Variants in CNTLN observed in about 807,000 individuals in gnomAD.
CNTLN encodes the protein centlein.
A neutral mutation model predicts 180.0 loss-of-function variants in CNTLN; 212 were observed. The ratio of observed to expected loss-of-function variants is 1.18; its 90% CI spans 1.05 to 1.32. CNTLN has a LOEUF of 1.32. Ranked by LOEUF, CNTLN falls within the 40% of genes most tolerant of loss-of-function variation. The pLI is 0.00. For synonymous variants in CNTLN, 722 were observed against 563.1 expected (o/e 1.28, Z -3.99); for missense variants, 2,095 against 1,610.9 (o/e 1.30, Z -5.14).
At chr9:17,521,219 A>C in the CNTLN span, among the ~76,000 whole-genome samples, 1 of 150,418 alleles carries the variant, frequency 6.6e-6, no homozygotes, top group Non-Finnish European at 1.5e-5. Context: ...GACAGAAAAG[A>C]GGCCCCTTGT....
intron 25 of CNTLN, 147 bp downstream of exon 25, chr9:17,487,213 G>A: frequency 3.0e-6 from 2 of 658,478 alleles, no homozygotes; most frequent in Non-Finnish European, 5.5e-6. Flanking sequence ...AGAAAGGAAA[G>A]TTAACCCTCT....
At chr9:17,339,109 G>A (rs545205138) in intron 10 of CNTLN, among the ~76,000 whole-genome samples, 232 of 152,170 alleles carry the variant, frequency 1.5e-3, no homozygotes, top group African/African-American at 5.2e-3. Flanking sequence ...TTTTCATCAA[G>A]CACTTTCATT....
chr9:17,432,549 G>A (rs1473574850), intron 18 of CNTLN, among the ~76,000 whole-genome samples: 1 of 152,084 alleles, frequency 6.6e-6, no homozygotes, highest in African/African-American at 2.4e-5. Context: ...TCATTAATTA[G>A]GACTCCTGAA....
intron 25 of CNTLN, among the ~76,000 whole-genome samples, chr9:17,497,784 G>A (rs1833536464): frequency 2.6e-5 from 4 of 152,070 alleles, no homozygotes; most frequent in Admixed American, 6.6e-5. Flanking sequence ...TAAATACATT[G>A]TTCTTTCTGA....
At chr9:17,145,284 T>C (rs1818379684) in intron 2 of CNTLN, among the ~76,000 whole-genome samples, 1 of 152,212 alleles carries the variant, frequency 6.6e-6, no homozygotes, top group South Asian at 2.1e-4. Context: ...TGAGATACTT[T>C]GGATTTTGAG....
At chr9:17,500,913 A>G (rs1176792896) in intron 25 of CNTLN, among the ~76,000 whole-genome samples, 3 of 152,204 alleles carry the variant, frequency 2.0e-5, no homozygotes, top group African/African-American at 7.2e-5. Context: ...ATCTTTGTCC[A>G]AGGTAACTCT....
chr9:17,263,985 T>C lies in CNTLN; in HGVS notation c.850-9748T>C, dbSNP rs945218904. ...TAGGTTGCGAAAATTTTCTCCCATT[T>C]TGTAGGTTGCCTGTTCACTCTGATG... On this transcript the variant is annotated intron_variant, in intron 5 of 25. Transcript: ENST00000380647. Among the ~76,000 whole-genome samples, 190 of 145,296 alleles carry C rather than the reference T, an allele frequency of 1.3e-3. 2 individuals are homozygous for C. The highest frequency in any genetic ancestry group is 5.0e-3 in the African/African-American group (189 of 37,976).
At position 17,298,282 on chromosome 9, in the gene CNTLN, A is replaced by G; in HGVS notation, c.1076A>G (p.Asn359Ser). 1.9e-6 allele frequency: 3 copies of G among 1,613,768 alleles called. No homozygotes were observed. Among genetic ancestry groups the G allele is most frequent in the Admixed American group, 1.7e-5 (1 of 59,924 alleles). Residue 359 changes from asparagine to serine, a missense_variant, in exon 7 of 26, where the codon AAT becomes AGT. Transcript: ENST00000380647. ...CTGATCCAGCAGCTTCAGGTTCTCAATATGGACACACAAAAAGTACTGAGA... is the reference window on the plus strand; with the variant it reads ...CTGATCCAGCAGCTTCAGGTTCTCAGTATGGACACACAAAAAGTACTGAGA... ...AELIQQLQVL[N>S]MDTQKVLRNQ... is the part of the protein sequence containing the mutation.
chr9:17,437,837 A>G (rs1829868162), intron 18 of CNTLN, among the ~76,000 whole-genome samples: 1 of 152,204 alleles, frequency 6.6e-6, no homozygotes, highest in South Asian at 2.1e-4. Flanking sequence ...GTGTATATAT[A>G]ACATGGATGT....
intron 18 of CNTLN, among the ~76,000 whole-genome samples, chr9:17,439,759 G>A (rs1047652084): frequency 4.6e-5 from 7 of 152,156 alleles, no homozygotes; most frequent in Non-Finnish European, 1.0e-4. Context: ...GGTTACATTA[G>A]TTCATGAGGG....
chr9:17,385,512 TA>T (rs1825619868), intron 13 of CNTLN, among the ~76,000 whole-genome samples: 1 of 152,150 alleles, frequency 6.6e-6, no homozygotes, highest in South Asian at 2.1e-4. Flanking sequence ...GCTTTGCTTG[TA>T]ATAACAAAAG....
chr9:17,263,125 T>A (rs1198948864), intron 5 of CNTLN, among the ~76,000 whole-genome samples: 1 of 150,676 alleles, frequency 6.6e-6, no homozygotes, highest in Non-Finnish European at 1.5e-5. Context: ...ATGTGCCATG[T>A]TGGTGTGCTG....
chr9:17,252,417 G>A (rs543356566), intron 5 of CNTLN, among the ~76,000 whole-genome samples: 1 of 151,642 alleles, frequency 6.6e-6, no homozygotes, highest in African/African-American at 2.4e-5. Context: ...GTTATTTTCT[G>A]TCCCTTTAAT....
intron 6 of CNTLN, among the ~76,000 whole-genome samples, chr9:17,282,510 CA>C (rs1828725939): frequency 6.6e-6 from 1 of 152,048 alleles, no homozygotes; most frequent in South Asian, 2.1e-4. Flanking sequence ...GGATAGATTG[CA>C]AAAATTTTCT....
At chr9:17,383,752 C>G (rs1404654827) in intron 13 of CNTLN, among the ~76,000 whole-genome samples, 1 of 151,756 alleles carries the variant, frequency 6.6e-6, no homozygotes, top group East Asian at 2.0e-4. Flanking sequence ...ATTCTCCTGT[C>G]TCAGCCTCCC....
intron 18 of CNTLN, among the ~76,000 whole-genome samples, chr9:17,451,550 C>T (rs986283679): frequency 1.3e-5 from 2 of 152,112 alleles, no homozygotes; most frequent in African/African-American, 2.4e-5. Context: ...AGAAAGAAAA[C>T]TCGGAGAGTA....
chr9:17,441,284 A>C (rs1473634109), intron 18 of CNTLN, among the ~76,000 whole-genome samples: 1 of 152,214 alleles, frequency 6.6e-6, no homozygotes, highest in East Asian at 1.9e-4. Flanking sequence ...TATAAAGGTC[A>C]CTGGTAAAGG....
chr9:17,140,437 G>C (rs1216875827), intron 1 of CNTLN, among the ~76,000 whole-genome samples: 1 of 148,804 alleles, frequency 6.7e-6, no homozygotes, highest in Non-Finnish European at 1.5e-5. Context: ...ATGAGGTAAT[G>C]GTTATGTTTT....
intron 2 of CNTLN, 54 bp downstream of exon 2, chr9:17,143,430 C>A: frequency 7.8e-7 from 1 of 1,287,120 alleles, no homozygotes; most frequent in South Asian, 1.2e-5. Flanking sequence ...GTTTGTTTCT[C>A]TTCATTATTA....
Sources: gnomAD v4.1 joint callset for allele counts (sites outside exome capture counted in the v4.1 genomes callset) on GRCh38, gnomAD v4.1.1 for gene constraint, MANE v1.5 for transcripts, NCBI Gene and HGNC (gene_info 2026-07-23, HGNC 2026-07-21) for gene names.